Variants in RBM46 observed in about 807,000 individuals in gnomAD.
RBM46 encodes the protein probable RNA-binding protein 46.
In RBM46, 12 loss-of-function variants were observed where a neutral mutation model predicts 43.3. The observed-to-expected ratio is 0.28, with a 90% CI of 0.18 to 0.45. The LOEUF (loss-of-function observed/expected upper bound fraction) is 0.45, where lower values mean the gene tolerates loss of function less well. Among genes scored for constraint, RBM46 ranks in the 20% least tolerant of loss-of-function variants. RBM46 has a pLI of 1.00. For synonymous variants in RBM46, 205 were observed against 207.6 expected, an observed-to-expected ratio of 0.99 and a Z score of 0.11; for missense variants, 412 against 639.1, an observed-to-expected ratio of 0.64 and a Z score of 3.83.
At chr4:154,820,150 TTTCA>T (rs1253867370) in intron 4 of RBM46, among the ~76,000 whole-genome samples, 1 of 152,072 alleles carries the variant, frequency 6.6e-6, no homozygotes, top group African/African-American at 2.4e-5. Flanking sequence ...TAATCATAAT[TTTCA>T]TTCAAATATC....
chr4:154,828,520 A>T lies in RBM46; in HGVS notation c.*453A>T, dbSNP rs1263294102. The T allele has an allele frequency of 6.5e-6, 1 of 154,202 alleles. No homozygotes were observed. Among genetic ancestry groups the T allele is most frequent in the African/African-American group, 2.4e-5 (1 of 41,466 alleles). The allele number at this position is 154,202 out of a possible 1,614,324, so 9.6% of individuals were successfully genotyped here. ...ATATGACCAGAAGCATCTAACCATT[A>T]TGTAAAAAGAAATGATGAGACAAAA... On this transcript the variant is annotated 3_prime_UTR_variant, in exon 5 of 5. Transcript: ENST00000281722.
chr4:154,796,864 C>G lies in RBM46; in HGVS notation c.112C>G (p.Gln38Glu). The change falls in exon 2 of 5, where the codon CAG becomes GAG. Residue 38 changes from glutamine to glutamate, a missense_variant. Physicochemically the swap from Gln to Glu is conservative, Grantham distance 29. Coordinates refer to ENST00000281722, the MANE Select transcript of RBM46 (RefSeq NM_144979.5). ...GGAAAAGACTGGTTACAACATGGTT[C>G]AGGAAAATGGACAAAGGAAATTTGG... ...LMEKTGYNMV[Q>E]ENGQRKFGGP... 1 of 1,613,746 alleles carries G rather than the reference C, an allele frequency of 6.2e-7. No homozygotes were observed. The highest frequency in any genetic ancestry group is 8.5e-7 in the Non-Finnish European group (1 of 1,179,832).
intron 4 of RBM46, chr4:154,826,745 T>C: frequency 1.6e-6 from 2 of 1,274,310 alleles, no homozygotes; most frequent in East Asian, 2.6e-5. Flanking sequence ...TTTCCTTTTT[T>C]TTTTTTTTTT....
intron 4 of RBM46, among the ~76,000 whole-genome samples, chr4:154,817,331 C>CTTTT (rs58860836): frequency 3.4e-4 from 43 of 126,354 alleles, no homozygotes; most frequent in Non-Finnish European, 5.6e-4. Flanking sequence ...TTTTCTCTTT[C>CTTTT]TTTTTTTTTT....
chr4:154,804,198 A>G (rs1341971928), intron 4 of RBM46, among the ~76,000 whole-genome samples: 1 of 152,216 alleles, frequency 6.6e-6, no homozygotes, highest in Non-Finnish European at 1.5e-5. Flanking sequence ...AGTCTCAGGT[A>G]TTCCTTTATA....
chr4:154,798,200 A>G lies in RBM46; in HGVS notation c.541A>G (p.Thr181Ala), dbSNP rs773631741. 9 of 1,612,574 alleles carry G rather than the reference A, an allele frequency of 5.6e-6. No homozygotes were observed. The South Asian group carries it at 6.6e-5, about 12-fold the overall frequency. ...VIVYPSATDK[T>A]KNRGFAFVEY... The stretch of plus-strand genomic sequence containing the variant: ...TGTTTATCCAAGTGCAACTGATAAG[A>G]CCAAAAATCGTGGTTTTGCATTTGT... The change falls in exon 3 of 5, where the codon ACC becomes GCC. Residue 181 changes from threonine to alanine, a missense_variant. Coordinates refer to ENST00000281722, the MANE Select transcript of RBM46 (RefSeq NM_144979.5).
intron 4 of RBM46, among the ~76,000 whole-genome samples, chr4:154,822,482 GTAT>G (rs1408038597): frequency 6.6e-6 from 1 of 151,036 alleles, no homozygotes; most frequent in African/African-American, 2.4e-5. Context: ...TATATGATAG[GTAT>G]TATTTATGCT....
At chr4:154,813,587 G>C (rs1246977993) in intron 4 of RBM46, among the ~76,000 whole-genome samples, 1 of 152,002 alleles carries the variant, frequency 6.6e-6, no homozygotes, top group Non-Finnish European at 1.5e-5. Flanking sequence ...GTAATCCACA[G>C]TTATATCTAG....
intron 1 of RBM46, among the ~76,000 whole-genome samples, chr4:154,796,175 A>C (rs1734342230): frequency 6.6e-6 from 1 of 152,176 alleles, no homozygotes; most frequent in Non-Finnish European, 1.5e-5. Flanking sequence ...TCAAAAAATG[A>C]AATAAATATC....
chr4:154,802,695 T>G (rs1398105090), intron 4 of RBM46, among the ~76,000 whole-genome samples: 1 of 152,202 alleles, frequency 6.6e-6, no homozygotes, highest in African/African-American at 2.4e-5. Flanking sequence ...TAAGTCATCT[T>G]TTGGCTCTAT....
At chr4:154,795,446 T>G (rs1431146229) in intron 1 of RBM46, among the ~76,000 whole-genome samples, 1 of 152,298 alleles carries the variant, frequency 6.6e-6, no homozygotes, top group East Asian at 1.9e-4. Flanking sequence ...ATTTTTTCTT[T>G]TGCCTTCTAA....
chr4:154,798,652 A>T, intron 3 of RBM46, 130 bp from the exon 4 acceptor site: 2 of 711,056 alleles, frequency 2.8e-6, no homozygotes. Flanking sequence ...GTGAATAGGA[A>T]ACAAATGCTT....
At chr4:154,800,669 A>C (rs924168675) in intron 4 of RBM46, among the ~76,000 whole-genome samples, 2 of 146,440 alleles carry the variant, frequency 1.4e-5, no homozygotes, top group Non-Finnish European at 3.0e-5. Flanking sequence ...TTTAGTGATG[A>C]TTACTTTGTG....
At chr4:154,790,295 C>CTTG (rs1734018419) in intron 1 of RBM46, 1 of 152,130 alleles carries the variant, frequency 6.6e-6, no homozygotes, top group African/African-American at 2.4e-5. Flanking sequence ...CCTGCTTTCT[C>CTTG]TTGTGGGCAT....
intron 4 of RBM46, chr4:154,827,110 A>C: frequency 1.9e-6 from 2 of 1,046,442 alleles, no homozygotes; most frequent in Non-Finnish European, 2.3e-6. Context: ...TGTTGCAGTT[A>C]ATGAAACAGG....
chr4:154,796,924 T>G, intron 2 of RBM46, 21 bp downstream of exon 2: 1 of 1,601,732 alleles, frequency 6.2e-7, no homozygotes, highest in East Asian at 2.2e-5. Flanking sequence ...GTTTACAGTC[T>G]TTTAAATTTA....
chr4:154,827,964 C>G lies in RBM46; in HGVS notation c.1499C>G (p.Pro500Arg). ...TPSVLPYTSR[P>R]YSYPGYPLSP... ...AGCGTGCTTCCTTATACTTCAAGGC[C>G]TTATTCTTATCCAGGCTATCCTTTG... The change falls in exon 5 of 5, where the codon CCT (proline) becomes CGT (arginine). Residue 500 changes from proline (P) to arginine (R), a missense_variant. By Grantham distance (103) the Pro-to-Arg change is moderately radical (BLOSUM62 -2). Coordinates refer to ENST00000281722, the MANE Select transcript of RBM46 (RefSeq NM_144979.5). 6.2e-7 allele frequency: 1 copy of G among 1,613,902 alleles called. No individual in the cohort carries two copies. The highest frequency in any genetic ancestry group is 8.5e-7 in the Non-Finnish European group (1 of 1,179,854).
At chr4:154,799,596 A>G in intron 4 of RBM46, 32 bp downstream of exon 4, 1 of 1,383,164 alleles carries the variant, frequency 7.2e-7, no homozygotes, top group Non-Finnish European at 9.6e-7. Flanking sequence ...ATGATGTATA[A>G]TATGAAATTA....
intron 1 of RBM46, among the ~76,000 whole-genome samples, chr4:154,788,858 T>C (rs903210102): frequency 5.3e-5 from 8 of 152,218 alleles, no homozygotes; most frequent in Non-Finnish European, 1.0e-4. Flanking sequence ...TTTTATTTCA[T>C]TGAGCAGTGG....
Sources: gnomAD v4.1 joint callset for allele counts (sites outside exome capture counted in the v4.1 genomes callset) on GRCh38, gnomAD v4.1.1 for gene constraint, MANE v1.5 for transcripts, NCBI Gene and HGNC (gene_info 2026-07-23, HGNC 2026-07-21) for gene names.